The following ATP1A3 variants were observed in gnomAD, a reference collection of about 807,000 sequenced individuals.
The protein encoded by ATP1A3 is sodium/potassium-transporting ATPase subunit alpha-3.
ATP1A3 carries 12 observed loss-of-function variants against 108.8 expected under a neutral mutation model. The ratio of observed to expected loss-of-function variants is 0.11; its 90% CI spans 0.07 to 0.18. The LOEUF is 0.18. Among genes scored for constraint, ATP1A3 ranks in the 10% least tolerant of loss-of-function variants. The probability of loss-of-function intolerance (pLI) is 1.00; values close to 1 mark genes in which losing one functional copy is unlikely to be tolerated. For synonymous variants in ATP1A3, 539 were observed against 564.5 expected (o/e 0.95, Z 0.64); for missense variants, 498 against 1,387.7 (o/e 0.36, Z 10.19).
intron 18 of ATP1A3, 138 bp downstream of exon 18, chr19:41,970,047 C>A (rs532569805): frequency 1.5e-4 from 211 of 1,414,046 alleles, no homozygotes; most frequent in Non-Finnish European, 1.9e-4. Flanking sequence ...AGACCCCCCC[C>A]ACAGATAGCT....
At chr19:41,970,152 G>T in intron 18 of ATP1A3, 33 bp downstream of exon 18, 1 of 1,614,210 alleles carries the variant, frequency 6.2e-7, no homozygotes, top group East Asian at 2.2e-5. Flanking sequence ...CCCGGCACTG[G>T]GTGGTAAGGA....
At position 41,985,827 on chromosome 19, in the gene ATP1A3, G is replaced by A. The variant is rs781937030; in HGVS notation, c.606+37C>T. 4.2e-5 allele frequency: 67 copies of A among 1,611,444 alleles called. No individual in the cohort carries two copies. The highest frequency in any genetic ancestry group is 1.8e-4 in the Middle Eastern group (1 of 5,666). Reference sequence around the variant, plus strand: ...CTGGGCCTGAGCTCCTGGGCAGCCCGAGGGAGGGTAAAGCCGGGCCCTAGG... The same window carrying A: ...CTGGGCCTGAGCTCCTGGGCAGCCCAAGGGAGGGTAAAGCCGGGCCCTAGG... On this transcript the variant is annotated intron_variant, in intron 6 of 22. Transcript: ENST00000648268. This position sits in a 1 kb window ranked among gnomAD's most constrained non-coding sequence, Gnocchi z 8.2.
At chr19:41,969,061 T>C in intron 19 of ATP1A3, 146 bp from the exon 20 acceptor site, 1 of 1,248,824 alleles carries the variant, frequency 8.0e-7, no homozygotes, top group South Asian at 1.2e-5. Context: ...TGCGGGCTCA[T>C]AGTCCCGAGG....
At chr19:41,990,670 C>A (rs1328840736) in intron 1 of ATP1A3, among the ~76,000 whole-genome samples, 1 of 89,454 alleles carries the variant, frequency 1.1e-5, no homozygotes, top group Non-Finnish European at 2.2e-5. Context: ...CTCTCTCTCT[C>A]TGTCCATATA....
chr19:41,969,021 GTCCT>G, intron 19 of ATP1A3, 106 bp from the exon 20 acceptor site: 4 of 1,541,592 alleles, frequency 2.6e-6, no homozygotes, highest in Non-Finnish European at 3.6e-6. Flanking sequence ...CCTGCATGGG[GTCCT>G]CAGGGCCTCA....
chr19:41,985,231 G>A lies in ATP1A3; in HGVS notation c.725-45C>T. ...GGCTGAGGTGGGGTGGCTCAGGGAG[G>A]TTCTGGAGGCCTGACCCCCTGGGAC... On this transcript the variant is annotated intron_variant, in intron 7 of 22. Transcript: ENST00000648268. The surrounding 1 kb of genome is among the most constrained non-coding windows in gnomAD (Gnocchi z 8.2). 6.2e-7 allele frequency: 1 copy of A among 1,614,056 alleles called. No homozygotes were observed.
At position 41,969,482 on chromosome 19, in the gene ATP1A3, C is replaced by T; in HGVS notation, c.2641G>A (p.Asp881Asn). 1 of 1,614,184 alleles carries T rather than the reference C, an allele frequency of 6.2e-7. No individual in the cohort carries two copies. The highest frequency in any genetic ancestry group is 8.5e-7 in the Non-Finnish European group (1 of 1,180,032). Residue 881 changes from aspartate (D) to asparagine (N), a missense_variant, in exon 19 of 23, where the codon GAT becomes AAT. Physicochemically the swap from Asp to Asn is conservative, Grantham distance 23 (BLOSUM62 1). Coordinates refer to ENST00000648268, the MANE Select transcript of ATP1A3 (RefSeq NM_152296.5). ...GNLVGIRLNW[D>N]DRTVNDLEDS... The stretch of plus-strand genomic sequence containing the variant: ...TCCAGGTCATTGACGGTGCGGTCAT[C>T]CCAGTTCAGCCGGATGCCCACCAGG...
At position 41,981,285 on chromosome 19, in the gene ATP1A3, C is replaced by T. The variant is rs1158374562; in HGVS notation, c.1437+217G>A. On this transcript the variant is annotated intron_variant, in intron 11 of 22. Coordinates refer to ENST00000648268, the MANE Select transcript of ATP1A3 (RefSeq NM_152296.5). This position sits in a 1 kb window ranked among gnomAD's most constrained non-coding sequence, Gnocchi z 5.0. ...AAGTTCTGGTGTTAAAGGTGTGAGC[C>T]ACCGCGCCTGGCCTGCAGGAAGATC... 1.3e-5 allele frequency among the ~76,000 whole-genome samples: 2 copies of T among 152,016 alleles called. No individual in the cohort carries two copies. The highest frequency in any genetic ancestry group is 2.9e-5 in the Non-Finnish European group (2 of 68,012).
chr19:41,989,697 A>G (rs575402244), intron 1 of ATP1A3, among the ~76,000 whole-genome samples: 24 of 151,594 alleles, frequency 1.6e-4, no homozygotes, highest in African/African-American at 5.6e-4. Flanking sequence ...GTGTATCTCC[A>G]GGTCTGTTTT....
chr19:41,993,474 G>A, intron 1 of ATP1A3: 2 of 1,521,812 alleles, frequency 1.3e-6, no homozygotes, highest in South Asian at 1.2e-5. Context: ...ACACACTGCA[G>A]CCCCAGGCTG....
chr19:41,975,604 C>G (rs1555860770), intron 16 of ATP1A3, 25 bp downstream of exon 16: 1 of 1,613,650 alleles, frequency 6.2e-7, no homozygotes, highest in South Asian at 1.1e-5. Context: ...ACCCTGGTCT[C>G]CAGGGCCACC....
Position 41,981,559 on chromosome 19 carries a change from C to T in ATP1A3, c.1380G>A (p.Met460Ile), listed in dbSNP as rs1555863328. ...CAGCCACTTTCTTGTTGCGTTCACG[C>T]ATCAGCTTCACGGAGCCAGAGGACA... ...IELSSGSVKL[M>I]RERNKKVAEI... The change falls in exon 11 of 23, where the codon ATG (methionine) becomes ATA (isoleucine). Residue 460 changes from methionine (M) to isoleucine (I), a missense_variant. Met to Ile is a conservative substitution (Grantham distance 10). This residue lies in a region of ATP1A3 where 92 missense variants were observed against 168.7 expected (regional missense o/e 0.55). Coordinates refer to ENST00000648268, the MANE Select transcript of ATP1A3 (RefSeq NM_152296.5). This position sits in a 1 kb window ranked among gnomAD's most constrained non-coding sequence, Gnocchi z 5.0. 1 of 1,614,214 alleles carries T rather than the reference C, an allele frequency of 6.2e-7. No homozygotes were observed. The highest frequency in any genetic ancestry group is 8.5e-7 in the Non-Finnish European group (1 of 1,180,048).
chr19:41,978,868 C>T lies in ATP1A3; in HGVS notation c.1438-70G>A, dbSNP rs2075200250. 1 of 1,546,656 alleles carries T rather than the reference C, an allele frequency of 6.5e-7. No homozygotes were observed. Among genetic ancestry groups the T allele is most frequent in the South Asian group, 1.2e-5 (1 of 86,808 alleles). On this transcript the variant is annotated intron_variant, in intron 11 of 22. Transcript: ENST00000648268. This position sits in a 1 kb window ranked among gnomAD's most constrained non-coding sequence, Gnocchi z 8.3. Reference sequence around the variant, plus strand: ...CAGGAAGCTCCCTGCCCCATCCTGTCCCCTGTCCAGAGCCACGGGTGCCAG... The same window carrying T: ...CAGGAAGCTCCCTGCCCCATCCTGTTCCCTGTCCAGAGCCACGGGTGCCAG...
chr19:41,971,455 T>A (rs528725566), intron 16 of ATP1A3, among the ~76,000 whole-genome samples: 1 of 152,110 alleles, frequency 6.6e-6, no homozygotes, highest in South Asian at 2.1e-4. Flanking sequence ...AGTACGAGAA[T>A]GTTCACCATA....
chr19:41,977,823 G>T, intron 14 of ATP1A3, 113 bp downstream of exon 14: 2 of 1,471,774 alleles, frequency 1.4e-6, no homozygotes, highest in Non-Finnish European at 1.8e-6. Flanking sequence ...GTCCATGGAG[G>T]AGTCCCAGAA....
At chr19:41,987,754 G>T (rs1555865891) in intron 4 of ATP1A3, among the ~76,000 whole-genome samples, 182 bp downstream of exon 4, 1 of 152,216 alleles carries the variant, frequency 6.6e-6, no homozygotes, top group African/African-American at 2.4e-5. Flanking sequence ...AAGTAGCCTG[G>T]CTTTTCTGAG....
intron 8 of ATP1A3, among the ~76,000 whole-genome samples, chr19:41,983,564 A>G (rs1318170056): frequency 3.4e-5 from 5 of 147,286 alleles, no homozygotes; most frequent in Non-Finnish European, 1.5e-5. Context: ...CAGAGAAAAA[A>G]TTTTTAAAAA....
intron 15 of ATP1A3, among the ~76,000 whole-genome samples, chr19:41,976,024 G>T (rs1460564114): frequency 2.7e-5 from 4 of 146,428 alleles, no homozygotes; most frequent in African/African-American, 1.0e-4. Flanking sequence ...AGAGGTCCAG[G>T]CCCCCAGCCT....
intron 16 of ATP1A3, among the ~76,000 whole-genome samples, chr19:41,973,818 T>G (rs947803516): frequency 3.3e-5 from 5 of 152,170 alleles, no homozygotes; most frequent in Non-Finnish European, 1.5e-5. Flanking sequence ...GACGGCTGTA[T>G]CTGAGACAGT....
Sources: gnomAD v4.1 joint callset for allele counts (sites outside exome capture counted in the v4.1 genomes callset) on GRCh38, gnomAD v4.1.1 for gene constraint, gnomAD v4.1.1 regional missense constraint, Gnocchi (gnomAD v3.1) non-coding constraint, MANE v1.5 for transcripts, NCBI Gene and HGNC (gene_info 2026-07-23, HGNC 2026-07-21) for gene names.